The following FARP1 variants were observed in gnomAD, a reference collection of about 807,000 sequenced individuals.
FARP1 encodes the protein FERM, ARH/RhoGEF and pleckstrin domain protein 1, also known as FERM, ARHGEF and pleckstrin domain-containing protein 1.
In FARP1, 52 loss-of-function variants were observed where a neutral mutation model predicts 128.8. That is an observed-to-expected ratio of 0.40 (90% CI 0.32 to 0.51). FARP1 has a LOEUF of 0.51. Among genes scored for constraint, FARP1 ranks in the 20% least tolerant of loss-of-function variants. The pLI is 0.45. For synonymous variants in FARP1, 580 were observed against 551.8 expected (o/e 1.05, Z -0.72); for missense variants, 1,333 against 1,367.9 (o/e 0.97, Z 0.40).
intron 2 of FARP1, chr13:98,334,188 A>G (rs1391824174): frequency 6.6e-6 from 1 of 152,264 alleles, no homozygotes; most frequent in South Asian, 2.1e-4. Context: ...GGAAAGTCCC[A>G]GTAGATACAG....
intron 2 of FARP1, among the ~76,000 whole-genome samples, chr13:98,225,511 A>G (rs978686523): frequency 5.3e-5 from 8 of 152,210 alleles, no homozygotes; most frequent in Non-Finnish European, 1.0e-4. Flanking sequence ...CATGAAACCA[A>G]GAGTGTTTCT....
At chr13:98,392,603 C>CT (rs1172477545) in intron 11 of FARP1, among the ~76,000 whole-genome samples, 1 of 151,606 alleles carries the variant, frequency 6.6e-6, no homozygotes, top group African/African-American at 2.4e-5. Flanking sequence ...TTAATACTAC[C>CT]TTTTTTTTGA....
chr13:98,353,479 A>G (rs369041622), intron 3 of FARP1, among the ~76,000 whole-genome samples: 1 of 152,302 alleles, frequency 6.6e-6, no homozygotes, highest in East Asian at 1.9e-4. Context: ...CCCAGGTTCA[A>G]GTGATCCTCC....
chr13:98,208,674 G>C (rs148955248), intron 1 of FARP1: 1 of 153,042 alleles, frequency 6.5e-6, no homozygotes, highest in East Asian at 1.9e-4. Flanking sequence ...TGTGGGAGAA[G>C]TCAGGAGTAA....
chr13:98,220,045 T>G (rs1881324936), intron 2 of FARP1, among the ~76,000 whole-genome samples: 1 of 152,140 alleles, frequency 6.6e-6, no homozygotes. Flanking sequence ...AGTATTTTTT[T>G]TTTTTCTTTT....
At chr13:98,307,110 G>A (rs548724415) in intron 2 of FARP1, among the ~76,000 whole-genome samples, 18 of 152,290 alleles carry the variant, frequency 1.2e-4, no homozygotes, top group Admixed American at 8.5e-4. Flanking sequence ...CTCTTGACTC[G>A]CATGCTGTTT....
chr13:98,246,025 C>T (rs1426437685), intron 2 of FARP1, among the ~76,000 whole-genome samples: 1 of 151,892 alleles, frequency 6.6e-6, no homozygotes, highest in African/African-American at 2.4e-5. Flanking sequence ...AATCTGCCCC[C>T]CTCAGCCTCC....
At position 98,449,036 on chromosome 13, in the gene FARP1, C is replaced by A. The variant is rs1893050267; in HGVS notation, c.*719C>A. The stretch of plus-strand genomic sequence containing the variant: ...TGTTAAGCAAAGCCGAGATCCAGTG[C>A]AATACCTGGACTGTCACCGTCCTGT... On this transcript the variant is annotated 3_prime_UTR_variant, in exon 27 of 27. Coordinates refer to ENST00000319562, the MANE Select transcript of FARP1 (RefSeq NM_005766.4). 1 of 152,248 alleles carries A rather than the reference C, an allele frequency of 6.6e-6. No homozygotes were observed. The highest frequency in any genetic ancestry group is 1.5e-5 in the Non-Finnish European group (1 of 68,072). The allele number at this position is 152,248 out of a possible 1,614,324, so 9.4% of individuals were successfully genotyped here.
At chr13:98,343,911 C>A (rs546297507) in intron 3 of FARP1, 45 bp downstream of exon 3, 2 of 1,274,132 alleles carry the variant, frequency 1.6e-6, no homozygotes, top group Non-Finnish European at 2.3e-6. Context: ...GTCTGTTCAT[C>A]TTGGTGGGGG....
At position 98,437,910 on chromosome 13, in the gene FARP1, C is replaced by A. The variant is rs1349335562; in HGVS notation, c.2275-894C>A. ...CCTAAGCTCAGATGATCCCCTGATT[C>A]TTGGCACTCATCAGGCCGCCACACA... On this transcript the variant is annotated intron_variant, in intron 19 of 26. Coordinates refer to ENST00000319562, the MANE Select transcript of FARP1 (RefSeq NM_005766.4). 8.3e-6 allele frequency: 9 copies of A among 1,080,444 alleles called. No homozygotes were observed. In the Admixed American group the frequency reaches 1.8e-4, roughly 21 times the overall value. The allele number at this position is 1,080,444 out of a possible 1,614,324, so 66.9% of individuals were successfully genotyped here.
rs78008902 is a variant in FARP1, at chr13:98,353,914, T to A, written c.276+10048T>A. On this transcript the variant is annotated intron_variant, in intron 3 of 26. Coordinates refer to ENST00000319562, the MANE Select transcript of FARP1 (RefSeq NM_005766.4). ...AACCATAACACCCATGTGAAATCTT[T>A]TGAAATGAGTCATTCGAAGCTAATG... is the stretch of plus-strand genomic sequence containing the variant. Among the ~76,000 whole-genome samples, 1,491 of 152,322 alleles carry A rather than the reference T, an allele frequency of 9.8e-3. 16 individuals are homozygous for A. Among genetic ancestry groups the A allele is most frequent in the African/African-American group, 0.031 (1,268 of 41,558 alleles).
At chr13:98,264,380 T>C (rs1697205779) in intron 2 of FARP1, among the ~76,000 whole-genome samples, 1 of 152,210 alleles carries the variant, frequency 6.6e-6, no homozygotes, top group Admixed American at 6.5e-5. Flanking sequence ...TCATGCCATC[T>C]CACTTCGTCC....
chr13:98,164,866 G>C (rs1877131827), intron 1 of FARP1, among the ~76,000 whole-genome samples: 1 of 152,128 alleles, frequency 6.6e-6, no homozygotes, highest in Non-Finnish European at 1.5e-5. Flanking sequence ...GATCACTTGA[G>C]GTCAGGAGTT....
intron 2 of FARP1, chr13:98,333,845 G>A (rs1259509651): frequency 6.6e-6 from 1 of 152,114 alleles, no homozygotes; most frequent in Non-Finnish European, 1.5e-5. Context: ...TGGATTTAAA[G>A]TTTTAGTTCC....
chr13:98,186,397 C>T (rs927175783), intron 1 of FARP1, among the ~76,000 whole-genome samples: 12 of 152,100 alleles, frequency 7.9e-5, no homozygotes, highest in South Asian at 4.1e-4. Context: ...TGTGAGCCAC[C>T]GCGCCTGGCG....
At chr13:98,182,257 T>C (rs1878588249) in intron 1 of FARP1, among the ~76,000 whole-genome samples, 1 of 95,028 alleles carries the variant, frequency 1.1e-5, no homozygotes, top group Middle Eastern at 4.3e-3. Context: ...TTAGTCTTTT[T>C]ACTGTTTTTT....
At chr13:98,419,480 A>AT (rs1594515144) in intron 16 of FARP1, among the ~76,000 whole-genome samples, 20 of 130,688 alleles carry the variant, frequency 1.5e-4, no homozygotes, top group East Asian at 7.1e-4. Flanking sequence ...CTCCAAAAAA[A>AT]AATACACACA....
chr13:98,214,839 A>G (rs6491406), intron 2 of FARP1, among the ~76,000 whole-genome samples: 47,169 of 150,218 alleles, frequency 0.31, 7,616 homozygotes, highest in Middle Eastern at 0.45. Flanking sequence ...CCTGCCATGC[A>G]GTTAGAATTG....
chr13:98,368,041 T>C, intron 4 of FARP1, 76 bp from the exon 5 acceptor site: 1 of 1,179,264 alleles, frequency 8.5e-7, no homozygotes, highest in Non-Finnish European at 1.2e-6. Context: ...TATTTGTATT[T>C]GTAAAGTCTT....
Sources: gnomAD v4.1 joint callset for allele counts (sites outside exome capture counted in the v4.1 genomes callset) on GRCh38, gnomAD v4.1.1 for gene constraint, MANE v1.5 for transcripts, NCBI Gene and HGNC (gene_info 2026-07-23, HGNC 2026-07-21) for gene names.